The following ANG variants were observed in gnomAD, a reference collection of about 807,000 sequenced individuals.
ANG encodes the protein Homo sapiens epididymis luminal protein 168.
For missense variants in ANG, 178 were observed against 187.4 expected, an observed-to-expected ratio of 0.95 and a Z score of 0.29; for synonymous variants, 74 against 73.8, an observed-to-expected ratio of 1.00 and a Z score of -0.02.
upstream of ANG, chr14:20,684,502 G>C (rs1886326179): frequency 6.6e-6 from 1 of 152,308 alleles, no homozygotes; most frequent in Non-Finnish European, 1.5e-5. Context: ...GGCCTCCTCG[G>C]AGAAGCGGGG....
At position 20,693,876 on chromosome 14, in the gene ANG, T is replaced by C. The variant is rs911631267; in HGVS notation, c.312T>C (p.Thr104=). Residue 104 remains threonine (T), a synonymous_variant, in exon 2 of 2, where the codon ACT becomes ACC. Coordinates refer to ENST00000397990, the MANE Select transcript of ANG (RefSeq NM_001097577.3). ...GCAAGTCTTCTTTCCAGGTCACCACTTGCAAGCTACATGGAGGTTCCCCCT... is the reference window on the plus strand; with the variant it reads ...GCAAGTCTTCTTTCCAGGTCACCACCTGCAAGCTACATGGAGGTTCCCCCT... ...RISKSSFQVT[T]CKLHGGSPWP... is the part of the protein sequence containing the mutation. The C allele has an allele frequency of 1.9e-6, 3 of 1,614,054 alleles. No individual in the cohort carries two copies. Among genetic ancestry groups the C allele is most frequent in the African/African-American group, 1.3e-5 (1 of 74,912 alleles).
chr14:20,692,949 G>T (rs898392097), intron 1 of ANG, among the ~76,000 whole-genome samples: 1 of 151,996 alleles, frequency 6.6e-6, no homozygotes, highest in African/African-American at 2.4e-5. Flanking sequence ...CCGGGTTCAC[G>T]CCATTCTCCT....
chr14:20,689,250 C>G (rs1886573594), intron 1 of ANG, among the ~76,000 whole-genome samples: 1 of 152,342 alleles, frequency 6.6e-6, no homozygotes, highest in Admixed American at 6.5e-5. Flanking sequence ...TTCCTTCTAA[C>G]CTTCCCTGCT....
chr14:20,692,940 C>T (rs889237807), intron 1 of ANG, among the ~76,000 whole-genome samples: 3 of 152,068 alleles, frequency 2.0e-5, no homozygotes, highest in Admixed American at 6.5e-5. Flanking sequence ...CTCCGCCTCC[C>T]GGGTTCACGC....
intron 1 of ANG, among the ~76,000 whole-genome samples, chr14:20,692,663 C>T (rs544325084): frequency 6.6e-6 from 1 of 152,294 alleles, no homozygotes; most frequent in Non-Finnish European, 1.5e-5. Context: ...CATCCCCCAC[C>T]AATCCATAGA....
At chr14:20,690,221 C>CAAAAAAAAAAAAA (rs36091065) in intron 1 of ANG, among the ~76,000 whole-genome samples, 58 of 67,978 alleles carry the variant, frequency 8.5e-4, no homozygotes, top group African/African-American at 1.1e-3. Flanking sequence ...GACTCCGTCT[C>CAAAAAAAAAAAAA]AAAAAAAAAA....
upstream of ANG, among the ~76,000 whole-genome samples, chr14:20,687,126 G>A (rs567026774): frequency 6.6e-6 from 1 of 152,210 alleles, no homozygotes; most frequent in Non-Finnish European, 1.5e-5. Context: ...AAGATGTGAT[G>A]TTCCTTAATC....
At chr14:20,685,424 G>A (rs1886377434), upstream of ANG, among the ~76,000 whole-genome samples, 1 of 152,072 alleles carries the variant, frequency 6.6e-6, no homozygotes, top group African/African-American at 2.4e-5. Flanking sequence ...ACCCTCCCTC[G>A]TGACAGTAAA....
At chr14:20,693,467 G>C in intron 1 of ANG, 80 bp from the exon 2 acceptor site, 1 of 1,570,032 alleles carries the variant, frequency 6.4e-7, no homozygotes, top group South Asian at 1.1e-5. Flanking sequence ...TGCCGTGTCA[G>C]AGAGCAAAGC....
At chr14:20,692,554 G>T (rs1886820117) in intron 1 of ANG, among the ~76,000 whole-genome samples, 1 of 152,246 alleles carries the variant, frequency 6.6e-6, no homozygotes, top group Non-Finnish European at 1.5e-5. Context: ...GACGCCTATT[G>T]TGAACTGCGC....
upstream of ANG, among the ~76,000 whole-genome samples, chr14:20,688,135 G>T (rs1412342912): frequency 6.6e-6 from 1 of 152,150 alleles, no homozygotes; most frequent in Non-Finnish European, 1.5e-5. Flanking sequence ...GTCTCTTGTG[G>T]ACAGGTAAAG....
upstream of ANG, among the ~76,000 whole-genome samples, chr14:20,686,100 A>G (rs1325525019): frequency 2.0e-5 from 3 of 151,898 alleles, no homozygotes; most frequent in East Asian, 5.8e-4. Flanking sequence ...GGCGAATGCA[A>G]TGAGTTCCTT....
intron 1 of ANG, among the ~76,000 whole-genome samples, chr14:20,692,441 G>T (rs925865822): frequency 1.3e-5 from 2 of 152,194 alleles, no homozygotes; most frequent in African/African-American, 2.4e-5. Flanking sequence ...CTGGGCTCAG[G>T]GTTCCCTAGA....
chr14:20,692,015 G>C (rs945959725), intron 1 of ANG, among the ~76,000 whole-genome samples: 1 of 152,120 alleles, frequency 6.6e-6, no homozygotes, highest in Non-Finnish European at 1.5e-5. Context: ...GTACAACATT[G>C]GTGCTTCCTG....
chr14:20,692,342 G>T (rs1886803919), intron 1 of ANG, among the ~76,000 whole-genome samples: 1 of 152,166 alleles, frequency 6.6e-6, no homozygotes, highest in Non-Finnish European at 1.5e-5. Flanking sequence ...CTTCAACTCA[G>T]GATACAACTG....
At chr14:20,692,590 C>T (rs554824296) in intron 1 of ANG, among the ~76,000 whole-genome samples, 31 of 152,320 alleles carry the variant, frequency 2.0e-4, no homozygotes, top group African/African-American at 7.2e-4. Context: ...ATTGTGCACT[C>T]TTTATGAGAA....
In ANG at chr14:20,693,797, A is replaced by T. The variant is rs758743573; in HGVS notation, c.233A>T (p.Lys78Met). The T allele has an allele frequency of 6.2e-7, 1 of 1,614,214 alleles. No homozygotes were observed. Among genetic ancestry groups the T allele is most frequent in the African/African-American group, 1.3e-5 (1 of 75,052 alleles). Residue 78 changes from lysine to methionine, a missense_variant, in exon 2 of 2, where the codon AAG (lysine) becomes ATG (methionine). Lys to Met is a moderately conservative substitution (Grantham distance 95). Coordinates refer to ENST00000397990, the MANE Select transcript of ANG (RefSeq NM_001097577.3). ...TFIHGNKRSI[K>M]AICENKNGNP... Reference sequence around the variant, plus strand: ...ATTCATGGCAACAAGCGCAGCATCAAGGCCATCTGTGAAAACAAGAATGGA... The same window carrying T: ...ATTCATGGCAACAAGCGCAGCATCATGGCCATCTGTGAAAACAAGAATGGA...
At chr14:20,692,928 AG>A (rs1886850339) in intron 1 of ANG, among the ~76,000 whole-genome samples, 1 of 152,040 alleles carries the variant, frequency 6.6e-6, no homozygotes, top group Admixed American at 6.5e-5. Context: ...GCTCACTGCA[AG>A]CTCCGCCTCC....
At chr14:20,686,838 C>A (rs545798052), upstream of ANG, among the ~76,000 whole-genome samples, 1 of 152,244 alleles carries the variant, frequency 6.6e-6, no homozygotes, top group Non-Finnish European at 1.5e-5. Context: ...TTATTTAGTC[C>A]ATTCTTCCCA....
Sources: gnomAD v4.1 joint callset for allele counts (sites outside exome capture counted in the v4.1 genomes callset) on GRCh38, gnomAD v4.1.1 for gene constraint, MANE v1.5 for transcripts, NCBI Gene and HGNC (gene_info 2026-07-23, HGNC 2026-07-21) for gene names.